Variants in RBM5 observed in about 807,000 individuals in gnomAD.
The protein encoded by RBM5 is RNA binding motif protein 5.
In RBM5, 15 loss-of-function variants were observed where a neutral mutation model predicts 124.6. The ratio of observed to expected loss-of-function variants is 0.12; its 90% confidence interval spans 0.08 to 0.19. The LOEUF (loss-of-function observed/expected upper bound fraction) is 0.19. RBM5 is among the 10% of genes least tolerant of loss of function. The probability of loss-of-function intolerance (pLI) is 1.00; values close to 1 mark genes in which losing one functional copy is unlikely to be tolerated. For synonymous variants in RBM5, 337 were observed against 361.2 expected, an observed-to-expected ratio of 0.93 and a Z score of 0.76; for missense variants, 580 against 1,026.5, an observed-to-expected ratio of 0.57 and a Z score of 5.94.
At chr3:50,109,542 A>G in intron 14 of RBM5, 61 bp from the exon 15 acceptor site, 1 of 1,361,966 alleles carries the variant, frequency 7.3e-7, no homozygotes, top group Non-Finnish European at 1.1e-6. Context: ...CATTACAAAT[A>G]AAGATGTTTG....
intron 2 of RBM5, among the ~76,000 whole-genome samples, chr3:50,090,815 C>A (rs2090689108): frequency 1.3e-5 from 2 of 152,176 alleles, no homozygotes; most frequent in Admixed American, 6.6e-5. Flanking sequence ...TGGACAGCAA[C>A]CTTTGCAGAA....
Position 50,090,273 on chromosome 3 carries a change from A to G in RBM5, c.-53-109A>G, listed in dbSNP as rs142982401. 4,093 of 667,984 alleles carry G rather than the reference A, an allele frequency of 6.1e-3. 26 individuals carry two copies. The highest frequency in any genetic ancestry group is 6.8e-3 in the Non-Finnish European group (2,709 of 396,092). 41.4% of individuals were successfully genotyped at this position (667,984 alleles called of 1,614,324 possible). On this transcript the variant is annotated intron_variant, in intron 1 of 24. Coordinates refer to ENST00000347869, the MANE Select transcript of RBM5 (RefSeq NM_005778.4). ...TCCCCACCTTAGATAATCACTGTCA[A>G]TGATTTGAAGGTTTGATGAAATCCC...
At chr3:50,104,187 T>C (rs2109002985) in intron 7 of RBM5, 61 bp from the exon 8 acceptor site, 2 of 1,453,974 alleles carry the variant, frequency 1.4e-6, no homozygotes, top group East Asian at 2.3e-5. Flanking sequence ...CCCACTGTTA[T>C]TGTTACTAGA....
Position 50,093,742 on chromosome 3 carries a change from G to A in RBM5, c.206G>A (p.Ser69Asn). 6.2e-7 allele frequency: 1 copy of A among 1,613,850 alleles called. No homozygotes were observed. The highest frequency in any genetic ancestry group is 8.5e-7 in the Non-Finnish European group (1 of 1,179,782). The change falls in exon 4 of 25, where the codon AGT becomes AAT. Residue 69 changes from serine (S) to asparagine (N), a missense_variant. Ser to Asn is a conservative substitution (Grantham distance 46). Coordinates refer to ENST00000347869, the MANE Select transcript of RBM5 (RefSeq NM_005778.4). ...CAGAGAGAGCGTGAAAGAAGGAACAGTGACCGATCCGAAGATGGCTACCAT... is the reference window on the plus strand; with the variant it reads ...CAGAGAGAGCGTGAAAGAAGGAACAATGACCGATCCGAAGATGGCTACCAT... ...SPERERERRN[S>N]DRSEDGYHSD...
At chr3:50,106,703 G>A (rs2091039767) in intron 10 of RBM5, 64 bp from the exon 11 acceptor site, 1 of 1,148,306 alleles carries the variant, frequency 8.7e-7, no homozygotes, top group Non-Finnish European at 1.3e-6. Flanking sequence ...CTTTGAATGG[G>A]GTGGATGGTA....
chr3:50,107,218 A>C (rs769381674), intron 11 of RBM5: 1 of 604,300 alleles, frequency 1.7e-6, no homozygotes, highest in Non-Finnish European at 3.0e-6. Context: ...GCTTAACTCT[A>C]ACACGGTAAA....
intron 17 of RBM5, 52 bp downstream of exon 17, chr3:50,110,822 G>A: frequency 7.3e-7 from 1 of 1,375,456 alleles, no homozygotes; most frequent in South Asian, 1.3e-5. Context: ...TTCGCTTAGT[G>A]CATTTATGAG....
At chr3:50,089,500 C>T (rs1011568062) in intron 1 of RBM5, among the ~76,000 whole-genome samples, 1 of 152,362 alleles carries the variant, frequency 6.6e-6, no homozygotes, top group South Asian at 2.1e-4. Context: ...TGGAGTCGGT[C>T]GAGCAGGCCG....
chr3:50,100,242 A>T lies in RBM5; in HGVS notation c.409+191A>T. 1 of 602,442 alleles carries T rather than the reference A, an allele frequency of 1.7e-6. No individual in the cohort carries two copies. 37.3% of individuals were successfully genotyped at this position (602,442 alleles called of 1,614,324 possible). On this transcript the variant is annotated intron_variant, in intron 5 of 24. Transcript: ENST00000347869. This position sits in a 1 kb window ranked among gnomAD's most constrained non-coding sequence, Gnocchi z 5.1. ...AACTTTTTTAAACTTTGTTTTAGGG[A>T]CTTTTTTTTCCTTAGGTAAGTAATG...
intron 3 of RBM5, chr3:50,092,860 G>C: frequency 3.7e-6 from 1 of 273,592 alleles, no homozygotes; most frequent in South Asian, 3.2e-5. Flanking sequence ...GCCAGCCTGG[G>C]CACCATAGGG....
At chr3:50,094,035 T>C in intron 4 of RBM5, 160 bp downstream of exon 4, 8 of 653,146 alleles carry the variant, frequency 1.2e-5, no homozygotes, top group Non-Finnish European at 1.9e-5. Context: ...TATTTTTTTT[T>C]AATATTTGCA....
chr3:50,097,969 A>T (rs576779805), intron 4 of RBM5, among the ~76,000 whole-genome samples: 1 of 152,142 alleles, frequency 6.6e-6, no homozygotes, highest in South Asian at 2.1e-4. Context: ...GTGTGGCGAC[A>T]TGCGCCTGTA....
chr3:50,114,126 A>G (rs1315907875), intron 19 of RBM5, 27 bp downstream of exon 19: 3 of 1,614,182 alleles, frequency 1.9e-6, no homozygotes, highest in East Asian at 4.5e-5. Context: ...CCAGTATGTC[A>G]TGATGGGAAC....
intron 4 of RBM5, among the ~76,000 whole-genome samples, chr3:50,096,314 C>T (rs549081377): frequency 2.2e-5 from 2 of 91,298 alleles, no homozygotes; most frequent in East Asian, 3.4e-4. Context: ...CATGGTAAGA[C>T]GCATCTCTCC....
chr3:50,110,038 C>G (rs1575328965), intron 15 of RBM5, among the ~76,000 whole-genome samples: 2 of 152,100 alleles, frequency 1.3e-5, no homozygotes, highest in Non-Finnish European at 2.9e-5. Flanking sequence ...CGGTGAAACC[C>G]CGTCTCTACT....
chr3:50,107,988 A>T, intron 12 of RBM5, 82 bp from the exon 13 acceptor site: 1 of 1,115,840 alleles, frequency 9.0e-7, no homozygotes, highest in Non-Finnish European at 1.4e-6. Flanking sequence ...GCCCAGCATC[A>T]TGAGCTCATT....
At chr3:50,093,574 A>C (rs1031313585) in intron 3 of RBM5, 146 bp from the exon 4 acceptor site, 3 of 459,560 alleles carry the variant, frequency 6.5e-6, no homozygotes, top group Non-Finnish European at 9.8e-6. Context: ...CCCCTGTCTC[A>C]AAAAAAAAAA....
At chr3:50,107,104 G>T (rs776861207) in intron 11 of RBM5, 105 of 678,670 alleles carry the variant, frequency 1.5e-4, no homozygotes, top group Non-Finnish European at 2.6e-4. Flanking sequence ...ATGGCAGATG[G>T]GTTGAGAACA....
intron 7 of RBM5, 130 bp downstream of exon 7, chr3:50,103,296 T>G: frequency 1.3e-6 from 1 of 759,852 alleles, no homozygotes. Flanking sequence ...GTTTGTTACT[T>G]TCCTTGGGTC....
Sources: gnomAD v4.1 joint callset for allele counts (sites outside exome capture counted in the v4.1 genomes callset) on GRCh38, gnomAD v4.1.1 for gene constraint, Gnocchi (gnomAD v3.1) non-coding constraint, MANE v1.5 for transcripts, NCBI Gene and HGNC (gene_info 2026-07-23, HGNC 2026-07-21) for gene names.